The following SENP1 variants were observed in gnomAD, a reference collection of about 807,000 sequenced individuals.
SENP1 encodes the protein SUMO specific peptidase 1, also known as sentrin-specific protease 1.
SENP1 carries 21 observed loss-of-function variants against 93.0 expected under a neutral mutation model. The ratio of observed to expected loss-of-function variants is 0.23; its 90% CI spans 0.16 to 0.33. SENP1 has a LOEUF of 0.33. Among genes scored for constraint, SENP1 ranks in the 10% least tolerant of loss-of-function variants. The probability of loss-of-function intolerance (pLI) is 1.00; values close to 1 mark genes in which losing one functional copy is unlikely to be tolerated. For synonymous variants in SENP1, 256 were observed against 259.6 expected, an observed-to-expected ratio of 0.99 and a Z score of 0.13; for missense variants, 591 against 758.7, an observed-to-expected ratio of 0.78 and a Z score of 2.60.
chr12:48,105,241 C>T, intron 1 of SENP1: 1 of 392,640 alleles, frequency 2.5e-6, no homozygotes, highest in South Asian at 2.0e-5. Flanking sequence ...ACAAGGCTGA[C>T]TTGAAAGTGA....
chr12:48,080,015 A>C (rs755678105), intron 6 of SENP1: 6 of 152,224 alleles, frequency 3.9e-5, no homozygotes, highest in Non-Finnish European at 7.3e-5. Flanking sequence ...TTGCTCAATA[A>C]TTTGCAAAGA....
In SENP1 at chr12:48,074,399, G is replaced by C. The variant is rs751111431; in HGVS notation, c.865C>G (p.Leu289Val). The C allele has an allele frequency of 9.9e-6, 16 of 1,613,674 alleles. No homozygotes were observed. Among genetic ancestry groups the C allele is most frequent in the Non-Finnish European group, 1.4e-5 (16 of 1,179,758 alleles). The change falls in exon 8 of 18, where the codon CTT (leucine) becomes GTT (valine). Residue 289 changes from leucine (L) to valine (V), a missense_variant. Transcript: ENST00000549518. The stretch of plus-strand genomic sequence containing the variant: ...GAGTGGTGATGATGGGGATGATGAA[G>C]AGTACCAGAATCTTTGGATCCAAAT... The part of the protein sequence containing the change: ...VAFGSKDSGT[L>V]HHPHHHHSVP...
chr12:48,062,745 C>T (rs894367785), intron 13 of SENP1, among the ~76,000 whole-genome samples: 1 of 152,146 alleles, frequency 6.6e-6, no homozygotes, highest in African/African-American at 2.4e-5. Context: ...TCTTTATCTG[C>T]AGAATGGTGA....
intron 10 of SENP1, among the ~76,000 whole-genome samples, chr12:48,066,597 C>T (rs572544860): frequency 4.6e-5 from 7 of 151,838 alleles, no homozygotes; most frequent in East Asian, 1.9e-4. Context: ...CTGCAACCTC[C>T]ACCTCCCAGG....
At chr12:48,047,189 A>G (rs1409418688) in intron 15 of SENP1, 127 bp from the exon 16 acceptor site, 3 of 610,812 alleles carry the variant, frequency 4.9e-6, no homozygotes, top group Non-Finnish European at 8.7e-6. Context: ...AAAAGAGTAT[A>G]TAATACTGGG....
intron 1 of SENP1, chr12:48,105,328 G>A (rs901271172): frequency 3.9e-6 from 2 of 514,982 alleles, no homozygotes; most frequent in Non-Finnish European, 7.8e-6. Flanking sequence ...CCAAGCTCAA[G>A]GAAAGAGAAA....
intron 6 of SENP1, among the ~76,000 whole-genome samples, chr12:48,078,340 C>T (rs11168391): frequency 0.38 from 31,660 of 83,622 alleles, 6,052 homozygotes; most frequent in East Asian, 0.52. Context: ...TATATACACA[C>T]ACATATATAT....
chr12:48,058,034 C>T (rs1942691868), intron 13 of SENP1, among the ~76,000 whole-genome samples: 1 of 149,972 alleles, frequency 6.7e-6, no homozygotes, highest in African/African-American at 2.5e-5. Flanking sequence ...TAACCTCCAC[C>T]TCCCAGGTTC....
chr12:48,053,591 C>T (rs768067354), intron 13 of SENP1, among the ~76,000 whole-genome samples: 7 of 151,884 alleles, frequency 4.6e-5, no homozygotes, highest in Admixed American at 2.0e-4. Context: ...TAAAGTTTTG[C>T]TTCTTATTTT....
Position 48,074,437 on chromosome 12 carries a change from G to T in SENP1, c.827C>A (p.Thr276Asn). ...SHSVYSLSSY[T>N]PDVAFGSKDS... ...TTTGGATCCAAATGCAACATCTGGG[G>T]TATAAGAAGATAGGGAATATACACT... The change falls in exon 8 of 18, where the codon ACC becomes AAC. Residue 276 changes from threonine (T) to asparagine (N), a missense_variant. Around this residue, in one of 4 missense-constraint regions of SENP1, gnomAD observed 238 missense variants for 259.1 expected, o/e 0.92. Transcript: ENST00000549518. 6.2e-7 allele frequency: 1 copy of T among 1,613,798 alleles called. No homozygotes were observed. The highest frequency in any genetic ancestry group is 8.5e-7 in the Non-Finnish European group (1 of 1,179,754).
rs950942582 is a variant in SENP1, at chr12:48,057,747, C to T, written c.1407+5963G>A. 3.3e-5 allele frequency among the ~76,000 whole-genome samples: 5 copies of T among 150,020 alleles called. No individual in the cohort carries two copies. The South Asian group carries it at 1.0e-3, about 31-fold the overall frequency. On this transcript the variant is annotated intron_variant, in intron 13 of 17. Coordinates refer to ENST00000549518, the MANE Select transcript of SENP1 (RefSeq NM_001267594.2). ...TGCCTCAGCCTCCCAATTACAGGCA[C>T]ACACGATGACGGGCTAATTTTTTTT...
rs762196546 is a variant in SENP1 at position 48,088,786 on chromosome 12, T to C, written c.380+15A>G. 6.2e-7 allele frequency: 1 copy of C among 1,606,058 alleles called. No individual in the cohort carries two copies. Among genetic ancestry groups the C allele is most frequent in the South Asian group, 1.1e-5 (1 of 89,358 alleles). On this transcript the variant is annotated intron_variant, in intron 5 of 17. Transcript: ENST00000549518. ...CTGAGGAAGGGCTTGAGAACTAAGA[T>C]GACAAAATACGAACCTTGAGGTCTT...
intron 8 of SENP1, among the ~76,000 whole-genome samples, chr12:48,073,275 T>G (rs1943839187): frequency 6.9e-6 from 1 of 145,096 alleles, no homozygotes; most frequent in Non-Finnish European, 1.5e-5. Flanking sequence ...GAGTTTGGGT[T>G]TTTTGGCTTT....
chr12:48,091,332 C>T (rs926834795), intron 4 of SENP1, among the ~76,000 whole-genome samples: 1 of 152,042 alleles, frequency 6.6e-6, no homozygotes, highest in African/African-American at 2.4e-5. Context: ...CGTCTGTCGT[C>T]CCAGTTACTA....
At chr12:48,062,123 G>T (rs2136936850) in intron 13 of SENP1, among the ~76,000 whole-genome samples, 1 of 152,278 alleles carries the variant, frequency 6.6e-6, no homozygotes, top group African/African-American at 2.4e-5. Context: ...AAATGCCACA[G>T]TAAATAGCAA....
chr12:48,082,313 G>A (rs1290799857), intron 6 of SENP1, among the ~76,000 whole-genome samples: 1 of 152,200 alleles, frequency 6.6e-6, no homozygotes, highest in Non-Finnish European at 1.5e-5. Context: ...AGGTAATGCT[G>A]TATTCTTGAC....
At chr12:48,071,382 G>A (rs921663890) in intron 9 of SENP1, among the ~76,000 whole-genome samples, 128 of 152,226 alleles carry the variant, frequency 8.4e-4, no homozygotes, top group African/African-American at 3.0e-3. Context: ...TTGGGAGGCC[G>A]AGGCAGGTGG....
intron 17 of SENP1, 78 bp downstream of exon 17, chr12:48,046,275 GAAC>G: frequency 1.1e-6 from 1 of 932,038 alleles, no homozygotes; most frequent in Non-Finnish European, 1.8e-6. Context: ...CCCCTAAAGA[GAAC>G]AACTGGAGAG....
rs144850838 is a variant in SENP1 at position 48,061,627 on chromosome 12, T to C, written c.1407+2083A>G. 5.7e-3 allele frequency among the ~76,000 whole-genome samples: 868 copies of C among 152,272 alleles called. 13 individuals carry two copies. The highest frequency in any genetic ancestry group is 0.02 in the African/African-American group (824 of 41,560). ...CTTGCTATGTTGCCCAGGCTGCTCTTGAACTCCTGGCCTCAGGTGATCCTC... is the reference window on the plus strand; with the variant it reads ...CTTGCTATGTTGCCCAGGCTGCTCTCGAACTCCTGGCCTCAGGTGATCCTC... On this transcript the variant is annotated intron_variant, in intron 13 of 17. Coordinates refer to ENST00000549518, the MANE Select transcript of SENP1 (RefSeq NM_001267594.2).
Sources: gnomAD v4.1 joint callset for allele counts (sites outside exome capture counted in the v4.1 genomes callset) on GRCh38, gnomAD v4.1.1 for gene constraint, gnomAD v4.1.1 regional missense constraint, MANE v1.5 for transcripts, NCBI Gene and HGNC (gene_info 2026-07-23, HGNC 2026-07-21) for gene names.